SLC30A7: variants seen among roughly 807,000 people sequenced by gnomAD.
SLC30A7 encodes solute carrier family 30 member 7.
In SLC30A7, 35 loss-of-function variants were observed where a neutral mutation model predicts 46.0. The ratio of observed to expected loss-of-function variants is 0.76; its 90% CI spans 0.58 to 1.01. The LOEUF (loss-of-function observed/expected upper bound fraction) is 1.01. Among genes scored for constraint, SLC30A7 ranks in the 50% least tolerant of loss-of-function variants. SLC30A7 has a pLI of 0.00. For missense variants in SLC30A7, 464 were observed against 451.1 expected (o/e 1.03, Z -0.26); for synonymous variants, 147 against 157.8 (o/e 0.93, Z 0.51).
chr1:100,974,621 T>G (rs531724703), intron 10 of SLC30A7, among the ~76,000 whole-genome samples, 189 bp from the exon 11 acceptor site: 2 of 152,224 alleles, frequency 1.3e-5, no homozygotes, highest in Non-Finnish European at 2.9e-5. Context: ...CTCTTTTTTT[T>G]TTGTTTGTTT....
intron 10 of SLC30A7, among the ~76,000 whole-genome samples, chr1:100,974,463 A>G (rs540359184): frequency 1.3e-5 from 2 of 152,136 alleles, no homozygotes; most frequent in African/African-American, 4.8e-5. Flanking sequence ...TCACAGGAGG[A>G]TTTAGACAGG....
intron 6 of SLC30A7, among the ~76,000 whole-genome samples, chr1:100,916,786 C>T (rs1253323254): frequency 1.3e-5 from 2 of 148,770 alleles, no homozygotes. Flanking sequence ...CCTCTGGTAA[C>T]CATCCTTCTA....
intron 5 of SLC30A7, 53 bp from the exon 6 acceptor site, chr1:100,913,608 ACC>A: frequency 7.7e-7 from 1 of 1,304,314 alleles, no homozygotes; most frequent in Non-Finnish European, 1.1e-6. Flanking sequence ...TATAATTGTA[ACC>A]ATTTATATAA....
chr1:100,908,675 T>C (rs539316761), intron 3 of SLC30A7, among the ~76,000 whole-genome samples: 20 of 152,284 alleles, frequency 1.3e-4, no homozygotes, highest in African/African-American at 4.6e-4. Context: ...GCAAATAATT[T>C]AAACAGTAGC....
In SLC30A7 at chr1:100,981,570, G is replaced by A. The variant is rs575992621; in HGVS notation, c.*6713G>A. 10 of 152,172 alleles carry A rather than the reference G, an allele frequency of 6.6e-5. No individual in the cohort carries two copies. The East Asian group carries it at 1.2e-3, about 18-fold the overall frequency. The allele number at this position is 152,172 out of a possible 1,614,324, so 9.4% of individuals were successfully genotyped here. A position where few individuals can be genotyped will look rare whatever the true frequency, so the allele number is the denominator to read the frequency against. The stretch of plus-strand genomic sequence containing the variant: ...ACTTTCAAAGACTATGTTGTGATTC[G>A]GTTTGAATATGCTGAAGTGAGCAAT... On this transcript the variant is annotated 3_prime_UTR_variant, in exon 11 of 11. Coordinates refer to ENST00000357650, the MANE Select transcript of SLC30A7 (RefSeq NM_133496.5).
At position 100,921,692 on chromosome 1, in the gene SLC30A7, T is replaced by C; in HGVS notation, c.707-14T>C. 2 of 1,592,944 alleles carry C rather than the reference T, an allele frequency of 1.3e-6. No individual in the cohort carries two copies. The highest frequency in any genetic ancestry group is 3.6e-4 in the Middle Eastern group (2 of 5,534). On this transcript the variant is annotated splice_polypyrimidine_tract_variant and intron_variant, in intron 7 of 10. Transcript: ENST00000357650. The stretch of plus-strand genomic sequence containing the variant: ...CAAAAGACTGTTTTGATTTTTATTA[T>C]GGTTTATTTCTAGGTGTATTTTTAC...
intron 10 of SLC30A7, among the ~76,000 whole-genome samples, chr1:100,967,098 A>T (rs545221914): frequency 1.1e-3 from 166 of 152,332 alleles, no homozygotes; most frequent in African/African-American, 3.8e-3. Context: ...CATGTCAGTA[A>T]CATCTAAGAA....
In SLC30A7 at chr1:100,914,388, A is replaced by G. The variant is rs548462772; in HGVS notation, c.655+582A>G. ...AATGAGTACTAGTGAATGAGGAACA[A>G]TTGCATTTTAGGAAATGAAAATCAT... On this transcript the variant is annotated intron_variant, in intron 6 of 10. Transcript: ENST00000357650. Among the ~76,000 whole-genome samples the G allele has an allele frequency of 2.0e-5, 3 of 152,294 alleles. 1 individual carries two copies. The highest frequency in any genetic ancestry group is 4.1e-4 in the South Asian group (2 of 4,826).
At chr1:100,939,673 TAA>T (rs779785674) in intron 8 of SLC30A7, among the ~76,000 whole-genome samples, 43 of 133,642 alleles carry the variant, frequency 3.2e-4, no homozygotes, top group Admixed American at 5.3e-4. Context: ...TGTCTCTACT[TAA>T]AAAAAAAAAA....
intron 8 of SLC30A7, among the ~76,000 whole-genome samples, chr1:100,958,509 C>G (rs1458688767): frequency 6.6e-6 from 1 of 152,120 alleles, no homozygotes; most frequent in Non-Finnish European, 1.5e-5. Flanking sequence ...TGGCCTTTTT[C>G]TGTTTCTGTT....
At chr1:100,995,261 C>G in the SLC30A7 span, 1 of 601,122 alleles carries the variant, frequency 1.7e-6, no homozygotes, top group Admixed American at 2.8e-5. Flanking sequence ...TCTTCCCTCA[C>G]ATTTTAATTA....
the SLC30A7 span, among the ~76,000 whole-genome samples, chr1:100,987,686 C>A: frequency 6.9e-6 from 1 of 144,884 alleles, no homozygotes; most frequent in African/African-American, 2.6e-5. Context: ...TTTTTTTAAA[C>A]CATAAGCTAT....
At chr1:100,948,825 A>G in intron 8 of SLC30A7, among the ~76,000 whole-genome samples, 1 of 152,164 alleles carries the variant, frequency 6.6e-6, no homozygotes, top group East Asian at 1.9e-4. Flanking sequence ...CACTTGATCA[A>G]ATTGGCTATT....
chr1:100,902,022 T>C (rs1032105583), intron 2 of SLC30A7, among the ~76,000 whole-genome samples: 2 of 152,336 alleles, frequency 1.3e-5, no homozygotes, highest in East Asian at 1.9e-4. Context: ...AGATTGAATA[T>C]GAGCAGTAAA....
At chr1:100,939,621 G>A (rs1011561748) in intron 8 of SLC30A7, among the ~76,000 whole-genome samples, 4 of 151,552 alleles carry the variant, frequency 2.6e-5, no homozygotes, top group African/African-American at 7.3e-5. Flanking sequence ...CAGATCACGA[G>A]GTCAGGAGAT....
chr1:100,983,384 A>AC (rs1469689206), downstream of SLC30A7, among the ~76,000 whole-genome samples: 1 of 145,028 alleles, frequency 6.9e-6, no homozygotes, highest in Non-Finnish European at 1.5e-5. Flanking sequence ...GCAAAAAAAA[A>AC]AAAAAACAAA....
At chr1:100,970,334 G>T (rs1656088354) in intron 10 of SLC30A7, among the ~76,000 whole-genome samples, 1 of 152,034 alleles carries the variant, frequency 6.6e-6, no homozygotes, top group Non-Finnish European at 1.5e-5. Flanking sequence ...AAAAGTTGGA[G>T]AATTATAACT....
At chr1:100,955,814 T>C (rs1655190775) in intron 8 of SLC30A7, among the ~76,000 whole-genome samples, 1 of 152,134 alleles carries the variant, frequency 6.6e-6, no homozygotes, top group Admixed American at 6.5e-5. Flanking sequence ...CTTTAAATTA[T>C]TATAGAAATT....
chr1:100,901,481 GTCT>G (rs1191068269), intron 2 of SLC30A7, among the ~76,000 whole-genome samples: 1 of 152,036 alleles, frequency 6.6e-6, no homozygotes, highest in African/African-American at 2.4e-5. Flanking sequence ...TTAAGACGGA[GTCT>G]TACTGTGTTG....
Sources: allele counts gnomAD v4.1 joint callset (sites outside exome capture counted in the v4.1 genomes callset), GRCh38; gene constraint gnomAD v4.1.1; transcripts MANE v1.5; gene names NCBI Gene and HGNC (gene_info 2026-07-23, HGNC 2026-07-21).